ABTB3: variants seen among roughly 807,000 people sequenced by gnomAD.
ABTB3 encodes ankyrin repeat and BTB domain containing 3.
At chr12:107,582,989 A>G in the ABTB3 span, among the ~76,000 whole-genome samples, 5 of 152,178 alleles carry the variant, frequency 3.3e-5, no homozygotes, top group African/African-American at 1.2e-4. Flanking sequence ...AGGAGACCCT[A>G]CAGCTTAAAA....
the ABTB3 span, among the ~76,000 whole-genome samples, chr12:107,421,315 A>G: frequency 6.6e-6 from 1 of 152,224 alleles, no homozygotes; most frequent in Non-Finnish European, 1.5e-5. Flanking sequence ...TAAGTGAAGT[A>G]GACAGAAGGG....
chr12:107,381,769 T>C, the ABTB3 span, among the ~76,000 whole-genome samples: 4 of 152,214 alleles, frequency 2.6e-5, no homozygotes, highest in Non-Finnish European at 5.9e-5. Context: ...CCTGGCTCTG[T>C]TATTTGTCAG....
chr12:107,429,091 A>G, the ABTB3 span, among the ~76,000 whole-genome samples: 1 of 152,178 alleles, frequency 6.6e-6, no homozygotes. Flanking sequence ...CTGTGAGGTG[A>G]GTGTGAAGGT....
chr12:107,430,837 A>T, the ABTB3 span, among the ~76,000 whole-genome samples: 1 of 152,222 alleles, frequency 6.6e-6, no homozygotes, highest in East Asian at 1.9e-4. Flanking sequence ...ATAATTGCTC[A>T]TCTCCTTTGA....
chr12:107,581,347 TC>T, the ABTB3 span: 1 of 1,285,174 alleles, frequency 7.8e-7, no homozygotes, highest in Non-Finnish European at 9.9e-7. Flanking sequence ...GAGGGAGGGC[TC>T]CGGCCTCGCA....
chr12:107,318,800 T>G, the ABTB3 span: 3 of 960,120 alleles, frequency 3.1e-6, no homozygotes, highest in Non-Finnish European at 4.5e-6. Flanking sequence ...CCGAAAGTAC[T>G]AACAGTTGGT....
chr12:107,509,636 G>A, the ABTB3 span, among the ~76,000 whole-genome samples: 12 of 152,184 alleles, frequency 7.9e-5, no homozygotes, highest in African/African-American at 2.7e-4. Context: ...GAGCTTCGGG[G>A]ACACTTCCCA....
chr12:107,475,470 G>A, the ABTB3 span, among the ~76,000 whole-genome samples: 4 of 152,264 alleles, frequency 2.6e-5, no homozygotes, highest in East Asian at 7.7e-4. Flanking sequence ...GCATGTCATA[G>A]CAGCCTCCTG....
the ABTB3 span, among the ~76,000 whole-genome samples, chr12:107,330,461 C>T: frequency 6.6e-6 from 1 of 152,186 alleles, no homozygotes; most frequent in African/African-American, 2.4e-5. Context: ...AAGTAGAGAA[C>T]TCAATTTAAA....
At chr12:107,610,172 G>A in the ABTB3 span, 1 of 1,614,154 alleles carries the variant, frequency 6.2e-7, no homozygotes. Flanking sequence ...CCCGCATGAT[G>A]TCTCTTCCCT....
the ABTB3 span, among the ~76,000 whole-genome samples, chr12:107,353,739 T>C: frequency 6.6e-6 from 1 of 152,166 alleles, no homozygotes; most frequent in African/African-American, 2.4e-5. Flanking sequence ...CTCTGCCTCC[T>C]ATCGGATCAG....
chr12:107,618,518 AC>A, the ABTB3 span: 2 of 739,674 alleles, frequency 2.7e-6, no homozygotes, highest in Non-Finnish European at 4.2e-6. Context: ...ACACAAGGGG[AC>A]CCAGGGAGCT....
chr12:107,383,443 G>A, the ABTB3 span, among the ~76,000 whole-genome samples: 5 of 152,338 alleles, frequency 3.3e-5, no homozygotes, highest in South Asian at 1.0e-3. Context: ...GTGACCCTGG[G>A]TAGATTCCTT....
At chr12:107,350,505 A>T in the ABTB3 span, among the ~76,000 whole-genome samples, 1 of 151,698 alleles carries the variant, frequency 6.6e-6, no homozygotes, top group South Asian at 2.1e-4. Context: ...GTGGGCCAAG[A>T]TCTGCACTCC....
At chr12:107,499,344 G>A in the ABTB3 span, among the ~76,000 whole-genome samples, 1 of 148,802 alleles carries the variant, frequency 6.7e-6, no homozygotes, top group Non-Finnish European at 1.5e-5. Context: ...CACACAGAGA[G>A]ACACACAAAG....
At chr12:107,438,473 G>A in the ABTB3 span, among the ~76,000 whole-genome samples, 4 of 152,144 alleles carry the variant, frequency 2.6e-5, no homozygotes, top group South Asian at 2.1e-4. Context: ...AATACAGCCC[G>A]TTGCCTGCTT....
the ABTB3 span, among the ~76,000 whole-genome samples, chr12:107,454,865 A>G: frequency 2.8e-4 from 42 of 152,308 alleles, no homozygotes; most frequent in East Asian, 5.2e-3. Flanking sequence ...AAATGGTGCT[A>G]ATTACTCAGT....
chr12:107,413,908 C>T, the ABTB3 span, among the ~76,000 whole-genome samples: 1 of 152,218 alleles, frequency 6.6e-6, no homozygotes, highest in Non-Finnish European at 1.5e-5. Context: ...CAGAACTTCT[C>T]AGGGCTTTCA....
At chr12:107,566,677 ACAC>A in the ABTB3 span, among the ~76,000 whole-genome samples, 1 of 151,938 alleles carries the variant, frequency 6.6e-6, no homozygotes, top group African/African-American at 2.4e-5. Context: ...ACACACACAC[ACAC>A]ACACAAACAT....
Sources: allele counts gnomAD v4.1 joint callset (sites outside exome capture counted in the v4.1 genomes callset), GRCh38; gene constraint gnomAD v4.1.1; transcripts MANE v1.5; gene names NCBI Gene and HGNC (gene_info 2026-07-23, HGNC 2026-07-21).